The following ZBTB20 variants were observed in gnomAD, a reference collection of about 807,000 sequenced individuals.
The protein encoded by ZBTB20 is zinc finger and BTB domain-containing protein 20.
ZBTB20 carries 9 observed loss-of-function variants against 56.9 expected under a neutral mutation model. The observed-to-expected ratio is 0.16, with a 90% CI of 0.10 to 0.28. The LOEUF is 0.28. Ranked by LOEUF, ZBTB20 falls within the 10% of genes least tolerant of loss-of-function variation. The pLI is 1.00. For missense variants in ZBTB20, 655 were observed against 1,003.0 expected (o/e 0.65, Z 4.69); for synonymous variants, 417 against 420.7 (o/e 0.99, Z 0.11).
chr3:114,747,423 C>G (rs954995135), intron 5 of ZBTB20, among the ~76,000 whole-genome samples: 1 of 151,930 alleles, frequency 6.6e-6, no homozygotes, highest in Non-Finnish European at 1.5e-5. Flanking sequence ...AAAAATTAGC[C>G]AGGCATGGTG....
intron 7 of ZBTB20, among the ~76,000 whole-genome samples, chr3:114,483,249 T>C (rs1367609870): frequency 6.6e-6 from 1 of 152,192 alleles, no homozygotes; most frequent in Non-Finnish European, 1.5e-5. Context: ...CCCATAATGA[T>C]GTCTTCCTCA....
chr3:114,454,253 TTC>T (rs1299826526), intron 7 of ZBTB20, among the ~76,000 whole-genome samples: 1 of 149,772 alleles, frequency 6.7e-6, no homozygotes, highest in Non-Finnish European at 1.5e-5. Flanking sequence ...CAGCGTTTTT[TTC>T]TTTCTTTTTT....
intron 2 of ZBTB20, among the ~76,000 whole-genome samples, chr3:115,051,615 G>T (rs1410015397): frequency 6.6e-6 from 1 of 152,232 alleles, no homozygotes; most frequent in Admixed American, 6.5e-5. Flanking sequence ...CTAAATTGGC[G>T]AGAAATCATT....
chr3:114,639,733 G>A (rs1257355581), intron 6 of ZBTB20, among the ~76,000 whole-genome samples: 1 of 151,882 alleles, frequency 6.6e-6, no homozygotes, highest in Non-Finnish European at 1.5e-5. Flanking sequence ...TTAGCAATAC[G>A]AGTTCATATC....
At chr3:114,464,817 C>T (rs1433470686) in intron 7 of ZBTB20, among the ~76,000 whole-genome samples, 1 of 152,038 alleles carries the variant, frequency 6.6e-6, no homozygotes, top group Non-Finnish European at 1.5e-5. Flanking sequence ...CTTTTGGTTG[C>T]ATTTGTAACA....
At chr3:114,430,031 T>C (rs1158508235) in intron 7 of ZBTB20, among the ~76,000 whole-genome samples, 2 of 134,826 alleles carry the variant, frequency 1.5e-5, no homozygotes, top group Non-Finnish European at 1.7e-5. Flanking sequence ...ACAGTTATAT[T>C]TTAGTATATG....
chr3:114,414,099 A>T (rs551584597), intron 7 of ZBTB20, among the ~76,000 whole-genome samples: 2 of 152,286 alleles, frequency 1.3e-5, no homozygotes, highest in Non-Finnish European at 2.9e-5. Context: ...AGAGGGAACA[A>T]AAGAAGCAAA....
intron 6 of ZBTB20, among the ~76,000 whole-genome samples, chr3:114,552,190 T>G (rs1322979381): frequency 6.6e-6 from 1 of 152,162 alleles, no homozygotes; most frequent in African/African-American, 2.4e-5. Flanking sequence ...CCAGCCTGGG[T>G]GACGGAGCGA....
intron 10 of ZBTB20, among the ~76,000 whole-genome samples, chr3:114,374,296 T>C (rs1017558292): frequency 4.6e-5 from 7 of 152,128 alleles, no homozygotes; most frequent in Middle Eastern, 3.2e-3. Flanking sequence ...TTACAGAACA[T>C]AGAATAAAGC....
At chr3:115,142,327 T>TAAAG (rs2084834701) in intron 1 of ZBTB20, among the ~76,000 whole-genome samples, 3 of 152,140 alleles carry the variant, frequency 2.0e-5, no homozygotes, top group African/African-American at 7.2e-5. Flanking sequence ...GTCTTACTTT[T>TAAAG]TAACATTCAA....
chr3:114,561,653 T>C (rs917637538), intron 6 of ZBTB20, among the ~76,000 whole-genome samples: 9 of 152,116 alleles, frequency 5.9e-5, no homozygotes, highest in Non-Finnish European at 4.4e-5. Flanking sequence ...TAAACAGATA[T>C]GCTCTTGTCC....
intron 3 of ZBTB20, among the ~76,000 whole-genome samples, chr3:114,973,030 C>A (rs753079715): frequency 3.9e-5 from 6 of 152,060 alleles, no homozygotes; most frequent in Non-Finnish European, 7.4e-5. Flanking sequence ...ACTTTAATAG[C>A]TAATAATAAA....
At position 114,738,711 on chromosome 3, in the gene ZBTB20, G is replaced by A. The variant is rs533587529; in HGVS notation, c.-342-45136C>T. 1.1e-4 allele frequency among the ~76,000 whole-genome samples: 17 copies of A among 152,222 alleles called. No homozygotes were observed. In the East Asian group the frequency reaches 2.1e-3, roughly 19 times the overall value. On this transcript the variant is annotated intron_variant, in intron 5 of 11. Coordinates refer to ENST00000675478, the MANE Select transcript of ZBTB20 (RefSeq NM_001348800.3). ...AAATTTGTAAAAGACTCCCTATTCC[G>A]ATAAATCCTATAGTGTCAATTAAGT...
chr3:114,914,376 T>C (rs2075663241), intron 3 of ZBTB20, among the ~76,000 whole-genome samples: 1 of 152,068 alleles, frequency 6.6e-6, no homozygotes, highest in African/African-American at 2.4e-5. Context: ...TTTCAGATTA[T>C]TCACCATTGA....
chr3:114,517,582 CT>C (rs571878509), intron 6 of ZBTB20, among the ~76,000 whole-genome samples: 612 of 141,866 alleles, frequency 4.3e-3, no homozygotes, highest in Middle Eastern at 7.2e-3. Flanking sequence ...ACACATATTT[CT>C]TTTTTTTTTT....
intron 1 of ZBTB20, among the ~76,000 whole-genome samples, chr3:115,119,912 G>A (rs1238425379): frequency 6.6e-6 from 1 of 151,866 alleles, no homozygotes; most frequent in Admixed American, 6.6e-5. Flanking sequence ...CTAAATGAAA[G>A]AAGCCAATCT....
At chr3:115,004,559 A>G (rs1049019316) in intron 2 of ZBTB20, among the ~76,000 whole-genome samples, 4 of 151,746 alleles carry the variant, frequency 2.6e-5, no homozygotes, top group Non-Finnish European at 5.9e-5. Flanking sequence ...TATAAAGGAA[A>G]GACAAAAAAC....
At chr3:115,034,348 CAA>C (rs368796379) in intron 2 of ZBTB20, among the ~76,000 whole-genome samples, 1 of 148,714 alleles carries the variant, frequency 6.7e-6, no homozygotes, top group African/African-American at 2.5e-5. Context: ...CAATTTCCAC[CAA>C]AAAAAAACCC....
At chr3:114,776,976 C>CT (rs1248688982) in intron 5 of ZBTB20, among the ~76,000 whole-genome samples, 8 of 152,084 alleles carry the variant, frequency 5.3e-5, no homozygotes, top group Admixed American at 3.3e-4. Flanking sequence ...TAAGTTAATG[C>CT]TTACACACAT....
Sources: gnomAD v4.1 joint callset for allele counts (sites outside exome capture counted in the v4.1 genomes callset) on GRCh38, gnomAD v4.1.1 for gene constraint, MANE v1.5 for transcripts, NCBI Gene and HGNC (gene_info 2026-07-23, HGNC 2026-07-21) for gene names.